The following AVIL variants were observed in gnomAD, a reference collection of about 807,000 sequenced individuals.
AVIL encodes advillin.
In AVIL, 78 loss-of-function variants were observed where a neutral mutation model predicts 109.9. The ratio of observed to expected loss-of-function variants is 0.71; its 90% CI spans 0.59 to 0.86. AVIL has a LOEUF of 0.86. Ranked by LOEUF, AVIL falls within the 40% of genes least tolerant of loss-of-function variation. The pLI is 0.00. For missense variants in AVIL, 892 were observed against 1,016.5 expected (o/e 0.88, Z 1.67); for synonymous variants, 367 against 379.1 (o/e 0.97, Z 0.37).
intron 18 of AVIL, chr12:57,800,744 AC>A (rs1363149863): frequency 1.3e-5 from 2 of 158,188 alleles, no homozygotes; most frequent in African/African-American, 4.8e-5. Flanking sequence ...AGTAGCTGGG[AC>A]TACAGGCGCA....
chr12:57,816,184 C>T (rs1447050738), intron 1 of AVIL, 125 bp from the exon 2 acceptor site: 2 of 724,006 alleles, frequency 2.8e-6, no homozygotes, highest in Admixed American at 3.1e-5. Flanking sequence ...ATGGTGCATC[C>T]CTGCACCATT....
At chr12:57,798,061 G>A in intron 19 of AVIL, 66 bp from the exon 20 acceptor site, 1 of 1,256,588 alleles carries the variant, frequency 8.0e-7, no homozygotes, top group South Asian at 1.4e-5. Flanking sequence ...AGAAGTTGAG[G>A]AAGTTGGAGC....
intron 2 of AVIL, chr12:57,815,759 G>T: frequency 6.9e-7 from 1 of 1,446,638 alleles, no homozygotes; most frequent in Non-Finnish European, 9.1e-7. Context: ...CTGGAGCCCT[G>T]TTCTTCGGGG....
At position 57,811,112 on chromosome 12, in the gene AVIL, AC is replaced by A; in HGVS notation, c.353del (p.Gly118ValfsTer6). 1 of 1,613,802 alleles carries A rather than the reference AC, an allele frequency of 6.2e-7. No homozygotes were observed. The highest frequency in any genetic ancestry group is 2.2e-5 in the East Asian group (1 of 44,864). On this transcript the variant is annotated frameshift_variant, in exon 5 of 20. Transcript: ENST00000549994. LOFTEE classifies it high-confidence loss of function. Reference sequence around the variant, plus strand: ...CCACGTGCTTCATCCCAGAGGCGACACCCCCCTGCTTGTAGCTAAGGGAACA... The same window carrying A: ...CCACGTGCTTCATCCCAGAGGCGACACCCCCTGCTTGTAGCTAAGGGAACA... ...FKQGIIYKQGGVASGMKHVET... is the reference protein window; with the variant it reads ...FKQGIIYKQGXVASGMKHVET...
intron 15 of AVIL, 60 bp from the exon 16 acceptor site, chr12:57,803,451 T>C: frequency 1.2e-6 from 2 of 1,613,592 alleles, no homozygotes; most frequent in Admixed American, 1.7e-5. Context: ...AAACTGAGGT[T>C]TTAGCCTTTG....
intron 1 of AVIL, 51 bp from the exon 2 acceptor site, chr12:57,816,110 C>T: frequency 6.7e-7 from 1 of 1,487,012 alleles, no homozygotes; most frequent in Non-Finnish European, 9.2e-7. Context: ...CCATAGTGGG[C>T]ATCAATCCAG....
intron 16 of AVIL, 61 bp downstream of exon 16, chr12:57,803,186 C>T (rs1267761506): frequency 1.2e-5 from 19 of 1,604,598 alleles, no homozygotes; most frequent in Non-Finnish European, 1.5e-5. Context: ...GGATACTACA[C>T]AAAAACAACC....
Position 57,799,916 on chromosome 12 carries a change from A to C in AVIL, c.2225T>G (p.Met742Arg). The C allele has an allele frequency of 6.2e-7, 1 of 1,614,146 alleles. No individual in the cohort carries two copies. Among genetic ancestry groups the C allele is most frequent in the East Asian group, 2.2e-5 (1 of 44,878 alleles). ...ATTCAGGGAGAGGGTTGCATTCTTC[A>C]TGTCCTAGGTAAGATAAGAATGTAG... ...AAAIMRITADMKNATLSLNSN... is the reference protein window; with the variant it reads ...AAAIMRITADRKNATLSLNSN... Residue 742 changes from methionine to arginine, a missense_variant, in exon 19 of 20, where the codon ATG becomes AGG. Physicochemically the swap from Met to Arg is moderately conservative, Grantham distance 91. Coordinates refer to ENST00000549994, the MANE Select transcript of AVIL (RefSeq NM_006576.4).
chr12:57,805,690 C>T (rs994885800), intron 14 of AVIL, among the ~76,000 whole-genome samples: 6 of 151,672 alleles, frequency 4.0e-5, no homozygotes, highest in South Asian at 2.1e-4. Context: ...CATGCTGCCA[C>T]ACCCGGCTAA....
chr12:57,806,927 G>C (rs1174944624), intron 13 of AVIL, among the ~76,000 whole-genome samples: 1 of 152,190 alleles, frequency 6.6e-6, no homozygotes, highest in Non-Finnish European at 1.5e-5. Context: ...CGCATTGCTT[G>C]GTAGTGCTTC....
intron 13 of AVIL, 105 bp downstream of exon 13, chr12:57,807,226 C>A (rs908151869): frequency 6.5e-7 from 1 of 1,533,610 alleles, no homozygotes; most frequent in Admixed American, 1.7e-5. Flanking sequence ...CTAATCCAAG[C>A]CTGACTCCCT....
Position 57,813,450 on chromosome 12 carries a change from C to T in AVIL, c.142-27G>A, listed in dbSNP as rs767379096. The T allele has an allele frequency of 2.9e-5, 46 of 1,600,656 alleles. No individual in the cohort carries two copies. In the East Asian group the frequency reaches 9.6e-4, roughly 33 times the overall value. On this transcript the variant is annotated intron_variant, in intron 3 of 19. Transcript: ENST00000549994. ...TGGGAGGTAGTCAGAGAGATCAGGT[C>T]AGAGGCCAGCTCACCTCCCCTTTGC...
intron 2 of AVIL, 91 bp from the exon 3 acceptor site, chr12:57,814,317 G>C (rs1302793472): frequency 6.1e-6 from 8 of 1,313,630 alleles, no homozygotes; most frequent in East Asian, 2.5e-5. Context: ...CGGTGCAGGT[G>C]GTGGGGAGAA....
In AVIL at chr12:57,810,372, C is replaced by T; in HGVS notation, c.738G>A (p.Gln246=). 1 of 1,614,220 alleles carries T rather than the reference C, an allele frequency of 6.2e-7. No individual in the cohort carries two copies. Residue 246 remains glutamine, a synonymous_variant, in exon 7 of 20, where the codon CAG becomes CAA. Coordinates refer to ENST00000549994, the MANE Select transcript of AVIL (RefSeq NM_006576.4). The part of the protein sequence containing the change: ...TVPDEIIDQK[Q]KSTIMLYHIS... The stretch of plus-strand genomic sequence containing the variant: ...ACTGATACAACATGATAGTTGATTT[C>T]TGCTTCTGATCTATGATCTCATCAG...
chr12:57,816,264 CAT>C (rs1396497314), intron 1 of AVIL: 2 of 509,960 alleles, frequency 3.9e-6, no homozygotes, highest in Non-Finnish European at 3.5e-6. Context: ...GATTACCACC[CAT>C]GAGTTCTGCT....
intron 1 of AVIL, among the ~76,000 whole-genome samples, chr12:57,817,151 C>G (rs1248549553): frequency 2.6e-5 from 4 of 152,008 alleles, no homozygotes; most frequent in Admixed American, 2.0e-4. Flanking sequence ...AATCTGATAA[C>G]ATGCATAATT....
Position 57,811,021 on chromosome 12 carries a change from C to G in AVIL, c.445G>C (p.Glu149Gln), listed in dbSNP as rs756883725. 7 of 1,614,158 alleles carry G rather than the reference C, an allele frequency of 4.3e-6. No individual in the cohort carries two copies. The highest frequency in any genetic ancestry group is 5.1e-6 in the Non-Finnish European group (6 of 1,180,002). ...VKGKRNIRATEVEMSWDSFNR... is the reference protein window; with the variant it reads ...VKGKRNIRATQVEMSWDSFNR... ...GGCAGAGAGTGTGCAGGACTAACCT[C>G]GGTAGCCCTGATGTTTCTTTTCCCT... Residue 149 changes from glutamate (E) to glutamine (Q), a missense_variant and splice_region_variant, in exon 5 of 20, where the codon GAG becomes CAG. By Grantham distance (29) the Glu-to-Gln change is conservative (BLOSUM62 2). Coordinates refer to ENST00000549994, the MANE Select transcript of AVIL (RefSeq NM_006576.4).
At chr12:57,808,679 A>G in intron 9 of AVIL, 131 bp from the exon 10 acceptor site, 1 of 1,149,090 alleles carries the variant, frequency 8.7e-7, no homozygotes, top group Non-Finnish European at 1.2e-6. Flanking sequence ...GTCAAATTCT[A>G]ACTCACTTTT....
chr12:57,810,747 G>C, intron 6 of AVIL, 69 bp downstream of exon 6: 2 of 1,529,552 alleles, frequency 1.3e-6, no homozygotes, highest in Non-Finnish European at 1.8e-6. Context: ...CTTGATTCTT[G>C]GGGAAGAGCC....
Sources: allele counts gnomAD v4.1 joint callset (sites outside exome capture counted in the v4.1 genomes callset), GRCh38; gene constraint gnomAD v4.1.1; transcripts MANE v1.5; gene names NCBI Gene and HGNC (gene_info 2026-07-23, HGNC 2026-07-21).